Variants in ZNF334 observed in about 807,000 individuals in gnomAD.
ZNF334 encodes the protein zinc finger protein 334.
ZNF334 carries 14 observed loss-of-function variants against 12.4 expected under a neutral mutation model. The observed-to-expected ratio is 1.13, with a 90% CI of 0.74 to 1.76. The LOEUF (loss-of-function observed/expected upper bound fraction) is 1.76, where lower values mean the gene tolerates loss of function less well. Ranked by LOEUF, ZNF334 falls within the 40% of genes most tolerant of loss-of-function variation. The pLI is 0.00. For synonymous variants in ZNF334, 273 were observed against 269.6 expected (o/e 1.01, Z -0.12); for missense variants, 797 against 804.5 (o/e 0.99, Z 0.11).
At chr20:46,496,130 A>T (rs2061018896), downstream of ZNF334, among the ~76,000 whole-genome samples, 1 of 152,106 alleles carries the variant, frequency 6.6e-6, no homozygotes, top group Admixed American at 6.5e-5. Flanking sequence ...TGCCTAGGAG[A>T]CCCAGAAATT....
downstream of ZNF334, among the ~76,000 whole-genome samples, chr20:46,495,686 G>A (rs1018651807): frequency 1.3e-5 from 2 of 152,100 alleles, no homozygotes; most frequent in African/African-American, 4.8e-5. Context: ...CACTAAGTCT[G>A]TCTCCACTGT....
chr20:46,490,739 T>C, the ZNF334 span: 1 of 152,230 alleles, frequency 6.6e-6, no homozygotes, highest in Non-Finnish European at 1.5e-5. Flanking sequence ...CTCCAGTCAC[T>C]GCACTCTTCT....
chr20:46,469,593 C>T, the ZNF334 span, among the ~76,000 whole-genome samples: 2 of 152,044 alleles, frequency 1.3e-5, no homozygotes, highest in African/African-American at 4.8e-5. Flanking sequence ...AGGATGGTCT[C>T]GATCTCCTGA....
chr20:46,471,706 C>T, the ZNF334 span, among the ~76,000 whole-genome samples: 5 of 152,156 alleles, frequency 3.3e-5, no homozygotes, highest in Non-Finnish European at 7.4e-5. Context: ...AAGATCATTC[C>T]TTCCCCACTG....
Position 46,502,750 on chromosome 20 carries a change from T to C in ZNF334, c.589A>G (p.Ile197Val), listed in dbSNP as rs1169061968. 1 of 1,613,904 alleles carries C rather than the reference T, an allele frequency of 6.2e-7. No homozygotes were observed. Reference sequence around the variant, plus strand: ...AAAATCTGAATGTTCTGGTGCAGAATAAGATTTTCGTTTTGATTGCTGGCT... The same window carrying C: ...AAAATCTGAATGTTCTGGTGCAGAACAAGATTTTCGTTTTGATTGCTGGCT... ...RKASNQNENLILHQNIQILKQ... is the reference protein window; with the variant it reads ...RKASNQNENLVLHQNIQILKQ... Residue 197 changes from isoleucine (I) to valine (V), a missense_variant, in exon 5 of 5, where the codon ATT becomes GTT. Coordinates refer to ENST00000692313, the MANE Select transcript of ZNF334 (RefSeq NM_001353824.2).
intron 2 of ZNF334, among the ~76,000 whole-genome samples, chr20:46,511,072 A>C (rs1243209140): frequency 6.6e-6 from 1 of 152,104 alleles, no homozygotes; most frequent in Non-Finnish European, 1.5e-5. Flanking sequence ...TCATGAAACA[A>C]AAGATTGTAT....
At chr20:46,467,149 A>G in the ZNF334 span, among the ~76,000 whole-genome samples, 1 of 152,240 alleles carries the variant, frequency 6.6e-6, no homozygotes, top group Non-Finnish European at 1.5e-5. Flanking sequence ...TTAGGTACCC[A>G]TTAAAAATTA....
the ZNF334 span, among the ~76,000 whole-genome samples, chr20:46,482,276 C>T: frequency 6.6e-6 from 1 of 152,096 alleles, no homozygotes; most frequent in East Asian, 1.9e-4. Context: ...CTCACTAATC[C>T]ACATATTTAG....
chr20:46,464,290 C>A, the ZNF334 span: 1 of 554,662 alleles, frequency 1.8e-6, no homozygotes, highest in Non-Finnish European at 3.6e-6. Context: ...CCGCCTGGTA[C>A]TCACTGGGAA....
the ZNF334 span, among the ~76,000 whole-genome samples, chr20:46,462,986 C>A: frequency 6.6e-6 from 1 of 152,326 alleles, no homozygotes; most frequent in Middle Eastern, 3.4e-3. Flanking sequence ...GTGGCTCACG[C>A]TTGTAATCCC....
Position 46,502,019 on chromosome 20 carries a change from T to A in ZNF334, c.1320A>T (p.Lys440Asn), listed in dbSNP as rs1182933685. The change falls in exon 5 of 5, where the codon AAA becomes AAT. Residue 440 changes from lysine to asparagine, a missense_variant. Physicochemically the swap from Lys to Asn is moderately conservative, Grantham distance 94. Coordinates refer to ENST00000692313, the MANE Select transcript of ZNF334 (RefSeq NM_001353824.2). ...EKPYECSQCG[K>N]FLCTKSALIA... ...TGAGGGCTGATTTCGTACATAAAAA[T>A]TTTCCACATTGACTGCATTCATAGG... The A allele has an allele frequency of 6.2e-7, 1 of 1,614,106 alleles. No individual in the cohort carries two copies. Among genetic ancestry groups the A allele is most frequent in the South Asian group, 1.1e-5 (1 of 91,086 alleles).
Position 46,504,210 on chromosome 20 carries a change from T to G in ZNF334, c.241+4A>C. 1 of 1,599,418 alleles carries G rather than the reference T, an allele frequency of 6.3e-7. No individual in the cohort carries two copies. Among genetic ancestry groups the G allele is most frequent in the Non-Finnish European group, 8.5e-7 (1 of 1,171,746 alleles). On this transcript the variant is annotated splice_donor_region_variant and intron_variant, in intron 4 of 4. Transcript: ENST00000692313. ...TTCCACCTGCTCAGTTATCATTTAC[T>G]TACCTGGGTAGTTCTGATTTGAGAA... is the stretch of plus-strand genomic sequence containing the variant.
At chr20:46,504,547 T>C in intron 3 of ZNF334, 67 bp downstream of exon 3, 1 of 1,516,868 alleles carries the variant, frequency 6.6e-7, no homozygotes, top group Non-Finnish European at 8.8e-7. Context: ...ATTCTAGAAA[T>C]CAACATGTTT....
the ZNF334 span, chr20:46,474,833 A>G: frequency 6.6e-6 from 1 of 152,254 alleles, no homozygotes; most frequent in Non-Finnish European, 1.5e-5. Flanking sequence ...AAATAATTTC[A>G]CCAATTGGCA....
intron 2 of ZNF334, among the ~76,000 whole-genome samples, chr20:46,511,424 A>T (rs1324146454): frequency 6.6e-6 from 1 of 152,186 alleles, no homozygotes; most frequent in Non-Finnish European, 1.5e-5. Flanking sequence ...TTTTTCCAGA[A>T]CAGATCCATC....
At chr20:46,511,999 T>A in intron 2 of ZNF334, 83 bp downstream of exon 2, 1 of 1,357,566 alleles carries the variant, frequency 7.4e-7, no homozygotes, top group East Asian at 2.3e-5. Flanking sequence ...CTGAATTTTA[T>A]ACATTTCGTT....
intron 1 of ZNF334, 58 bp from the exon 2 acceptor site, chr20:46,512,198 T>C: frequency 7.9e-7 from 1 of 1,264,654 alleles, no homozygotes; most frequent in Non-Finnish European, 1.2e-6. Flanking sequence ...ACAGCAGCTC[T>C]ACAATTACCT....
downstream of ZNF334, among the ~76,000 whole-genome samples, chr20:46,499,161 G>A (rs975518474): frequency 4.2e-5 from 5 of 119,862 alleles, no homozygotes; most frequent in South Asian, 9.3e-4. Context: ...GCGACAGAGC[G>A]AGACTCCGTC....
chr20:46,470,492 A>G, the ZNF334 span, among the ~76,000 whole-genome samples: 229 of 152,326 alleles, frequency 1.5e-3, 2 homozygotes, highest in East Asian at 0.027. Flanking sequence ...TCTAGAACAC[A>G]ATCTCAAGGT....
Sources: allele counts gnomAD v4.1 joint callset (sites outside exome capture counted in the v4.1 genomes callset), GRCh38; gene constraint gnomAD v4.1.1; transcripts MANE v1.5; gene names NCBI Gene and HGNC (gene_info 2026-07-23, HGNC 2026-07-21).